The following ESRRG variants were observed in gnomAD, a reference collection of about 807,000 sequenced individuals.
The protein encoded by ESRRG is estrogen-related receptor gamma.
A neutral mutation model predicts 44.0 loss-of-function variants in ESRRG; 13 were observed. The observed-to-expected ratio is 0.30, with a 90% CI of 0.19 to 0.47. The LOEUF (loss-of-function observed/expected upper bound fraction) is 0.47, where lower values mean the gene tolerates loss of function less well. ESRRG is among the 20% of genes least tolerant of loss of function. ESRRG has a pLI of 1.00. For synonymous variants in ESRRG, 215 were observed against 214.6 expected, an observed-to-expected ratio of 1.00 and a Z score of -0.02; for missense variants, 395 against 580.6, an observed-to-expected ratio of 0.68 and a Z score of 3.29.
At position 216,649,179 on chromosome 1, in the gene ESRRG, A is replaced by G. The variant is rs114351095; in HGVS notation, c.589+1794T>C. On this transcript the variant is annotated intron_variant, in intron 3 of 6. Coordinates refer to ENST00000408911, the MANE Select transcript of ESRRG (RefSeq NM_001438.4). ...TGGCAATTTCACATAAGTTTTCTTT[A>G]GCAAGAACCACCTTATCTGTCTTGT... is the stretch of plus-strand genomic sequence containing the variant. Among the ~76,000 whole-genome samples, 557 of 152,270 alleles carry G rather than the reference A, an allele frequency of 3.7e-3. 7 individuals are homozygous for G. The highest frequency in any genetic ancestry group is 6.6e-3 in the Admixed American group (101 of 15,274).
At chr1:216,660,377 GC>G (rs1358446754) in intron 2 of ESRRG, among the ~76,000 whole-genome samples, 1 of 152,134 alleles carries the variant, frequency 6.6e-6, no homozygotes, top group Non-Finnish European at 1.5e-5. Context: ...TCTTTGATGT[GC>G]TTTACATTAT....
intron 1 of ESRRG, among the ~76,000 whole-genome samples, chr1:217,114,287 C>G (rs2092694417): frequency 6.6e-6 from 1 of 151,524 alleles, no homozygotes; most frequent in African/African-American, 2.4e-5. Flanking sequence ...TTATGTTATC[C>G]CCTCACACCT....
intron 1 of ESRRG, chr1:216,707,598 T>C: frequency 9.5e-7 from 1 of 1,049,936 alleles, no homozygotes; most frequent in Non-Finnish European, 1.3e-6. Flanking sequence ...GACTCCTTTT[T>C]ACATTGGAGA....
At chr1:216,922,108 G>A (rs1053178068) in intron 2 of ESRRG, among the ~76,000 whole-genome samples, 1 of 152,162 alleles carries the variant, frequency 6.6e-6, no homozygotes, top group African/African-American at 2.4e-5. Context: ...TCTCACCATG[G>A]ACCTTGGGCA....
chr1:216,709,087 G>C (rs1359338477), intron 1 of ESRRG, among the ~76,000 whole-genome samples: 2 of 152,046 alleles, frequency 1.3e-5, no homozygotes, highest in East Asian at 3.9e-4. Flanking sequence ...CTAAGGGAGG[G>C]ATAGCATTAG....
At chr1:217,117,765 C>G (rs934031315) in intron 1 of ESRRG, among the ~76,000 whole-genome samples, 2 of 152,036 alleles carry the variant, frequency 1.3e-5, no homozygotes, top group Admixed American at 6.6e-5. Flanking sequence ...AACTGAGGTC[C>G]TTAATCTTCA....
At chr1:216,838,368 C>T (rs1577099759) in intron 2 of ESRRG, among the ~76,000 whole-genome samples, 1 of 152,188 alleles carries the variant, frequency 6.6e-6, no homozygotes, top group Non-Finnish European at 1.5e-5. Context: ...GATCACACCA[C>T]TGACAGTTGG....
intron 1 of ESRRG, among the ~76,000 whole-genome samples, chr1:216,954,572 TAAG>T (rs2067594902): frequency 6.6e-6 from 1 of 152,166 alleles, no homozygotes. Flanking sequence ...CATATGTAAA[TAAG>T]AAGACCTTAT....
intron 6 of ESRRG, among the ~76,000 whole-genome samples, chr1:216,512,266 G>A (rs890081799): frequency 3.3e-4 from 50 of 152,080 alleles, no homozygotes; most frequent in African/African-American, 1.1e-3. Flanking sequence ...TAAGTCTCGG[G>A]ATCCAGTAGC....
At chr1:217,080,020 A>C (rs928111175) in intron 1 of ESRRG, among the ~76,000 whole-genome samples, 2 of 152,186 alleles carry the variant, frequency 1.3e-5, no homozygotes, top group Non-Finnish European at 1.5e-5. Flanking sequence ...CAGCTGGTAA[A>C]TTGCAGCCTA....
At chr1:217,065,233 A>G (rs924999290) in intron 1 of ESRRG, among the ~76,000 whole-genome samples, 1 of 152,218 alleles carries the variant, frequency 6.6e-6, no homozygotes, top group African/African-American at 2.4e-5. Context: ...GTTTCATACA[A>G]TAGACTGGTT....
intron 1 of ESRRG, among the ~76,000 whole-genome samples, chr1:217,135,959 T>C (rs887468842): frequency 7.3e-5 from 11 of 151,574 alleles, no homozygotes; most frequent in African/African-American, 2.7e-4. Context: ...CCGCCCCCTT[T>C]GCAGTAGTTG....
intron 1 of ESRRG, among the ~76,000 whole-genome samples, chr1:217,027,777 C>T (rs1336838307): frequency 6.6e-6 from 1 of 152,066 alleles, no homozygotes; most frequent in Non-Finnish European, 1.5e-5. Context: ...ATGAAAACCC[C>T]AGGCATAAAA....
At chr1:216,510,368 A>T in intron 6 of ESRRG, among the ~76,000 whole-genome samples, 1 of 152,212 alleles carries the variant, frequency 6.6e-6, no homozygotes, top group Admixed American at 6.5e-5. Context: ...ATTAAGTCTA[A>T]CACCTAATAA....
intron 1 of ESRRG, chr1:216,715,183 G>T: frequency 1.0e-6 from 1 of 985,234 alleles, no homozygotes; most frequent in African/African-American, 1.7e-5. Flanking sequence ...GTACAATTCA[G>T]CTGATAGTTG....
At chr1:217,027,166 T>C (rs11572422) in intron 1 of ESRRG, among the ~76,000 whole-genome samples, 46 of 152,278 alleles carry the variant, frequency 3.0e-4, no homozygotes, top group African/African-American at 1.0e-3. Flanking sequence ...CCAAACATAC[T>C]GTCCCCAAGA....
chr1:216,770,487 C>T (rs909672371), intron 2 of ESRRG, among the ~76,000 whole-genome samples: 1 of 152,046 alleles, frequency 6.6e-6, no homozygotes, highest in Non-Finnish European at 1.5e-5. Context: ...TCAGATATTT[C>T]TTTTTGCTCT....
chr1:216,682,107 T>G (rs938198661), intron 1 of ESRRG: 4 of 152,242 alleles, frequency 2.6e-5, no homozygotes, highest in Non-Finnish European at 4.4e-5. Flanking sequence ...AGCAGCTGTA[T>G]TTCATCATGT....
chr1:217,047,584 G>A (rs2085121333), intron 1 of ESRRG, among the ~76,000 whole-genome samples: 1 of 152,140 alleles, frequency 6.6e-6, no homozygotes, highest in South Asian at 2.1e-4. Context: ...TTAGTAGGGA[G>A]AATATTTTGG....
Sources: gnomAD v4.1 joint callset for allele counts (sites outside exome capture counted in the v4.1 genomes callset) on GRCh38, gnomAD v4.1.1 for gene constraint, MANE v1.5 for transcripts, NCBI Gene and HGNC (gene_info 2026-07-23, HGNC 2026-07-21) for gene names.